SLCO1A2: variants seen among roughly 807,000 people sequenced by gnomAD.
SLCO1A2 encodes the protein OATP-1.
Under a neutral mutation model 69.0 loss-of-function variants are expected in SLCO1A2, and 67 were observed. The ratio of observed to expected loss-of-function variants is 0.97; its 90% CI spans 0.80 to 1.19. The LOEUF (loss-of-function observed/expected upper bound fraction) is 1.19, where lower values mean the gene tolerates loss of function less well. Among genes scored for constraint, SLCO1A2 ranks in the 50% most tolerant of loss-of-function variants. The pLI, the probability that SLCO1A2 is intolerant of heterozygous loss-of-function variation, is 0.00. For missense variants in SLCO1A2, 787 were observed against 793.7 expected (o/e 0.99, Z 0.10); for synonymous variants, 260 against 265.9 (o/e 0.98, Z 0.22).
rs554567071 is a variant in SLCO1A2 at position 21,319,045 on chromosome 12, T to C, written c.61-122A>G. On this transcript the variant is annotated intron_variant, in intron 2 of 14. Coordinates refer to ENST00000683939, the MANE Select transcript of SLCO1A2 (RefSeq NM_001386879.1). ...CTCCAACTTAAGTAACCTTTGAATT[T>C]GCAAGAAACTGTAAAGTGTAGTCTG... 3.4e-5 allele frequency: 26 copies of C among 754,844 alleles called. No homozygotes were observed. The African/African-American group carries it at 4.4e-4, about 13-fold the overall frequency. The allele number at this position is 754,844 out of a possible 1,614,324, so 46.8% of individuals were successfully genotyped here.
In SLCO1A2 at chr12:21,266,949, A is replaced by G. The variant is rs1159697410; in HGVS notation, c.*2599T>C. 2.0e-5 allele frequency: 3 copies of G among 152,114 alleles called. No individual in the cohort carries two copies. The highest frequency in any genetic ancestry group is 2.9e-5 in the Non-Finnish European group (2 of 68,004). The allele number at this position is 152,114 out of a possible 1,614,324, so 9.4% of individuals were successfully genotyped here. A position where few individuals can be genotyped will look rare whatever the true frequency, so the allele number is the denominator to read the frequency against. On this transcript the variant is annotated 3_prime_UTR_variant, in exon 15 of 15. Transcript: ENST00000683939. ...TATTAAGTAAGATCCCCACAATATT[A>G]AGTAAGAAAATTACTGACTCTCGAC...
intron 2 of SLCO1A2, among the ~76,000 whole-genome samples, chr12:21,362,987 A>G (rs1235926598): frequency 1.3e-5 from 2 of 152,176 alleles, no homozygotes; most frequent in African/African-American, 4.8e-5. Context: ...ACAGATCAAC[A>G]AGACAGAAAG....
intron 2 of SLCO1A2, among the ~76,000 whole-genome samples, chr12:21,354,643 C>T (rs1386789851): frequency 6.6e-6 from 1 of 152,160 alleles, no homozygotes; most frequent in Non-Finnish European, 1.5e-5. Context: ...TCTGTCCTTA[C>T]CTGAAAGCAG....
chr12:21,275,708 A>G (rs911484349), intron 12 of SLCO1A2, among the ~76,000 whole-genome samples: 17 of 152,182 alleles, frequency 1.1e-4, no homozygotes, highest in African/African-American at 3.6e-4. Context: ...TGGGAGGCCA[A>G]GGCAGACGGA....
At chr12:21,353,669 T>G (rs1204642050) in intron 2 of SLCO1A2, among the ~76,000 whole-genome samples, 1 of 152,152 alleles carries the variant, frequency 6.6e-6, no homozygotes, top group African/African-American at 2.4e-5. Flanking sequence ...CTGTTTCCAA[T>G]GCTGTCAGCA....
At chr12:21,301,967 A>C (rs1565484442) in intron 6 of SLCO1A2, among the ~76,000 whole-genome samples, 1 of 151,968 alleles carries the variant, frequency 6.6e-6, no homozygotes, top group Non-Finnish European at 1.5e-5. Flanking sequence ...TTCACTTCAA[A>C]ATTTGGCTTT....
At chr12:21,334,258 C>G (rs1952787475) in intron 2 of SLCO1A2, among the ~76,000 whole-genome samples, 1 of 152,096 alleles carries the variant, frequency 6.6e-6, no homozygotes, top group African/African-American at 2.4e-5. Context: ...CCACATTTCT[C>G]TGGGTTAGAA....
At chr12:21,364,717 G>C (rs1190245419) in intron 2 of SLCO1A2, among the ~76,000 whole-genome samples, 1 of 152,014 alleles carries the variant, frequency 6.6e-6, no homozygotes, top group Admixed American at 6.6e-5. Context: ...TACAAACTCA[G>C]TGTGCAAAAT....
chr12:21,320,333 C>A (rs1470361685), intron 2 of SLCO1A2, among the ~76,000 whole-genome samples: 2 of 152,186 alleles, frequency 1.3e-5, no homozygotes, highest in Non-Finnish European at 2.9e-5. Context: ...AAACTTACCT[C>A]TATCCCTACC....
intron 2 of SLCO1A2, 25 bp downstream of exon 2, chr12:21,334,563 A>C (rs758729888): frequency 6.4e-7 from 1 of 1,568,010 alleles, no homozygotes; most frequent in Non-Finnish European, 8.8e-7. Context: ...ACATGCACAT[A>C]TATCCACATA....
intron 1 of SLCO1A2, among the ~76,000 whole-genome samples, chr12:21,380,174 T>C (rs1313177933): frequency 6.6e-6 from 1 of 152,178 alleles, no homozygotes; most frequent in Non-Finnish European, 1.5e-5. Context: ...TTATAATATG[T>C]CAAGTTATAA....
intron 2 of SLCO1A2, among the ~76,000 whole-genome samples, chr12:21,321,501 A>G (rs1476522986): frequency 6.6e-6 from 1 of 152,144 alleles, no homozygotes; most frequent in Non-Finnish European, 1.5e-5. Context: ...TAGTTAGCAA[A>G]TTTTACTTCT....
At chr12:21,353,987 CA>C (rs1938168433) in intron 2 of SLCO1A2, among the ~76,000 whole-genome samples, 2 of 152,198 alleles carry the variant, frequency 1.3e-5, no homozygotes, top group African/African-American at 2.4e-5. Context: ...CACTTTCGAA[CA>C]TGAATTTGAA....
intron 2 of SLCO1A2, among the ~76,000 whole-genome samples, chr12:21,360,741 CCCGCGG>C (rs1938784472): frequency 1.3e-5 from 2 of 152,232 alleles, no homozygotes; most frequent in Non-Finnish European, 2.9e-5. Context: ...GAGATTATAT[CCCGCGG>C]CTGGCTTGGA....
upstream of SLCO1A2, among the ~76,000 whole-genome samples, chr12:21,418,451 A>G (rs1343175203): frequency 6.6e-6 from 1 of 152,114 alleles, no homozygotes; most frequent in Non-Finnish European, 1.5e-5. Flanking sequence ...GAGACTGGGT[A>G]GGTTATAAAG....
At position 21,268,288 on chromosome 12, in the gene SLCO1A2, C is replaced by G. The variant is rs1232384605; in HGVS notation, c.*1260G>C. The stretch of plus-strand genomic sequence containing the variant: ...TTCAGCTTCCTCCACTCTGTTGTAT[C>G]CCTGCAGACACTCTCACTCCATTTA... On this transcript the variant is annotated 3_prime_UTR_variant, in exon 15 of 15. Coordinates refer to ENST00000683939, the MANE Select transcript of SLCO1A2 (RefSeq NM_001386879.1). 6.6e-6 allele frequency: 1 copy of G among 152,090 alleles called. No individual in the cohort carries two copies. Among genetic ancestry groups the G allele is most frequent in the Non-Finnish European group, 1.5e-5 (1 of 68,020 alleles). 9.4% of individuals were successfully genotyped at this position (152,090 alleles called of 1,614,324 possible).
At chr12:21,388,417 C>T (rs1188737228) in intron 1 of SLCO1A2, among the ~76,000 whole-genome samples, 1 of 152,084 alleles carries the variant, frequency 6.6e-6, no homozygotes, top group Non-Finnish European at 1.5e-5. Context: ...CGGTTTTTCC[C>T]ATGCCGTTCT....
At chr12:21,307,767 T>A (rs575824458) in intron 4 of SLCO1A2, among the ~76,000 whole-genome samples, 252 of 152,284 alleles carry the variant, frequency 1.7e-3, no homozygotes, top group Non-Finnish European at 2.8e-3. Flanking sequence ...TTAAATAAGG[T>A]AGTCAGAAGA....
intron 12 of SLCO1A2, among the ~76,000 whole-genome samples, chr12:21,283,076 C>A (rs1945103286): frequency 6.6e-6 from 1 of 151,760 alleles, no homozygotes; most frequent in Non-Finnish European, 1.5e-5. Flanking sequence ...AAAGGTAATC[C>A]TAATATGGAA....
Sources: allele counts gnomAD v4.1 joint callset (sites outside exome capture counted in the v4.1 genomes callset), GRCh38; gene constraint gnomAD v4.1.1; transcripts MANE v1.5; gene names NCBI Gene and HGNC (gene_info 2026-07-23, HGNC 2026-07-21).